Variants in ZFP36L1 observed in about 807,000 individuals in gnomAD.
ZFP36L1 encodes the protein mRNA decay activator protein ZFP36L1.
Under a neutral mutation model 16.7 loss-of-function variants are expected in ZFP36L1, and 4 were observed. The observed-to-expected ratio is 0.24, with a 90% CI of 0.12 to 0.55. The LOEUF is 0.55. ZFP36L1 is among the 20% of genes least tolerant of loss of function. The pLI is 0.94. For synonymous variants in ZFP36L1, 220 were observed against 190.8 expected (o/e 1.15, Z -1.26); for missense variants, 311 against 449.2 (o/e 0.69, Z 2.78).
chr14:68,795,702 T>C (rs1019695868), upstream of ZFP36L1: 2 of 492,478 alleles, frequency 4.1e-6, no homozygotes, highest in Non-Finnish European at 8.4e-6. Flanking sequence ...CGCTCCCGAG[T>C]TGTTTACCGG....
chr14:68,790,543 G>C, intron 1 of ZFP36L1, 51 bp from the exon 2 acceptor site: 1 of 1,602,504 alleles, frequency 6.2e-7, no homozygotes, highest in Non-Finnish European at 8.5e-7. Context: ...CCACCAGGAT[G>C]TCCACTATGG....
upstream of ZFP36L1, chr14:68,795,699 G>T (rs1895232959): frequency 2.0e-6 from 1 of 490,514 alleles, no homozygotes; most frequent in Non-Finnish European, 4.2e-6. Flanking sequence ...GCTCGCTCCC[G>T]AGTTGTTTAC....
At chr14:68,792,854 G>A (rs775679929) in intron 1 of ZFP36L1, 28 bp downstream of exon 1, 1 of 1,613,864 alleles carries the variant, frequency 6.2e-7, no homozygotes, top group Non-Finnish European at 8.5e-7. Context: ...AAGACTTTTT[G>A]AAAAGCAAAT....
rs903373300 is a variant in ZFP36L1 at position 68,787,923 on chromosome 14, G to C, written c.*1610C>G. On this transcript the variant is annotated 3_prime_UTR_variant, in exon 2 of 2. Coordinates refer to ENST00000439696, the MANE Select transcript of ZFP36L1 (RefSeq NM_004926.4). ...TGAGATGGGCACGTGGAAGTCAAAG[G>C]GTTTCTCTTTTTTTTTTTTTCCCCT... 1 of 134,534 alleles carries C rather than the reference G, an allele frequency of 7.4e-6. No homozygotes were observed. Among genetic ancestry groups the C allele is most frequent in the Non-Finnish European group, 1.6e-5 (1 of 60,668 alleles). 8.3% of individuals were successfully genotyped at this position (134,534 alleles called of 1,614,324 possible).
upstream of ZFP36L1, chr14:68,795,655 C>A: frequency 2.5e-6 from 1 of 395,568 alleles, no homozygotes; most frequent in Non-Finnish European, 5.2e-6. Flanking sequence ...TCCCCGGGGG[C>A]GCGGGCTCCG....
chr14:68,790,642 TC>T, intron 1 of ZFP36L1, 150 bp from the exon 2 acceptor site: 1 of 1,103,488 alleles, frequency 9.1e-7, no homozygotes, highest in Non-Finnish European at 1.3e-6. Flanking sequence ...CCTCTCTCCC[TC>T]CCATAGGCCA....
chr14:68,795,921 C>G, upstream of ZFP36L1: 1 of 1,083,270 alleles, frequency 9.2e-7, no homozygotes, highest in Non-Finnish European at 1.3e-6. Context: ...CTCGCCCAGA[C>G]GTGGTCGACA....
chr14:68,789,229 GA>G lies in ZFP36L1; in HGVS notation c.*303del, dbSNP rs146146426. 249 of 351,126 alleles carry G rather than the reference GA, an allele frequency of 7.1e-4. No homozygotes were observed. Among genetic ancestry groups the G allele is most frequent in the Middle Eastern group, 1.5e-3 (2 of 1,328 alleles). 21.8% of individuals were successfully genotyped at this position (351,126 alleles called of 1,614,324 possible). ...GATTTGGCACTTAAGGCTTAAGCCG[GA>G]AAAAAAAAGGCATCTACTGACAAAA... On this transcript the variant is annotated 3_prime_UTR_variant, in exon 2 of 2. Coordinates refer to ENST00000439696, the MANE Select transcript of ZFP36L1 (RefSeq NM_004926.4). This position sits in a 1 kb window ranked among gnomAD's most constrained non-coding sequence, Gnocchi z 4.5.
chr14:68,791,735 T>G (rs927123218), intron 1 of ZFP36L1, among the ~76,000 whole-genome samples: 1 of 152,118 alleles, frequency 6.6e-6, no homozygotes, highest in East Asian at 1.9e-4. Context: ...TGGGGAGCGC[T>G]GGCAGCCGGG....
upstream of ZFP36L1, among the ~76,000 whole-genome samples, chr14:68,795,577 T>C (rs1895229141): frequency 6.6e-6 from 1 of 152,132 alleles, no homozygotes; most frequent in Admixed American, 6.5e-5. Flanking sequence ...AGTGGATTTT[T>C]CCAAAGAAAG....
upstream of ZFP36L1, chr14:68,793,791 G>T (rs967585882): frequency 2.0e-6 from 2 of 984,970 alleles, no homozygotes; most frequent in South Asian, 4.7e-5. Flanking sequence ...AGGGTGGGGC[G>T]CGCTGCTGGG....
At chr14:68,796,044 C>A, upstream of ZFP36L1, 2 of 1,335,018 alleles carry the variant, frequency 1.5e-6, no homozygotes, top group Non-Finnish European at 2.0e-6. Context: ...GCTCCTTACC[C>A]GCGCAGTCCC....
Position 68,790,337 on chromosome 14 carries a change from G to C in ZFP36L1, c.213C>G (p.Leu71=), listed in dbSNP as rs748947867. Residue 71 remains leucine (L), a synonymous_variant, in exon 2 of 2, where the codon CTC becomes CTG. Coordinates refer to ENST00000439696, the MANE Select transcript of ZFP36L1 (RefSeq NM_004926.4). ...TCAGAGCGGGGGCTGGCTCACCCTT[G>C]AGGCTGCTGAGGAGCTGGTTCTGGT... ...KFHQNQLLSS[L]KGEPAPALSS... 2.5e-6 allele frequency: 4 copies of C among 1,611,892 alleles called. No homozygotes were observed. The South Asian group carries it at 3.3e-5, about 13-fold the overall frequency.
intron 1 of ZFP36L1, 90 bp from the exon 2 acceptor site, chr14:68,790,582 G>A: frequency 6.6e-7 from 1 of 1,522,060 alleles, no homozygotes; most frequent in Non-Finnish European, 8.9e-7. Context: ...ACAAACGCCC[G>A]CTCTTTCTCA....
chr14:68,789,453 G>A lies in ZFP36L1; in HGVS notation c.*80C>T, dbSNP rs564308694. On this transcript the variant is annotated 3_prime_UTR_variant, in exon 2 of 2. Transcript: ENST00000439696. The surrounding 1 kb of genome is among the most constrained non-coding windows in gnomAD (Gnocchi z 4.5). ...TTAATGTAGGGCCTGTGGGGAATGGGATGGGTAGGGAGAAGAGGGTATGGG... is the reference window on the plus strand; with the variant it reads ...TTAATGTAGGGCCTGTGGGGAATGGAATGGGTAGGGAGAAGAGGGTATGGG... 4.4e-6 allele frequency: 7 copies of A among 1,589,978 alleles called. No individual in the cohort carries two copies. In the African/African-American group the frequency reaches 6.7e-5, roughly 15 times the overall value.
At chr14:68,796,208 G>A (rs753087178), upstream of ZFP36L1, 36 of 1,366,690 alleles carry the variant, frequency 2.6e-5, no homozygotes, top group Non-Finnish European at 3.4e-5. Flanking sequence ...GCTTGGAGGT[G>A]GTGGTGGGGT....
upstream of ZFP36L1, chr14:68,793,245 A>G (rs1895157061): frequency 9.1e-7 from 1 of 1,096,332 alleles, no homozygotes; most frequent in Non-Finnish European, 1.1e-6. Flanking sequence ...AGAAACTTTC[A>G]AAAGGAAGAA....
chr14:68,796,038 C>G, upstream of ZFP36L1: 1 of 1,332,096 alleles, frequency 7.5e-7, no homozygotes, highest in African/African-American at 1.5e-5. Flanking sequence ...CCTCCCGCTC[C>G]TTACCCGCGC....
chr14:68,793,541 T>C (rs1287554388), upstream of ZFP36L1: 3 of 985,810 alleles, frequency 3.0e-6, no homozygotes, highest in Admixed American at 1.8e-4. Context: ...GGGCTCGACT[T>C]TCTCTTTTTG....
Sources: gnomAD v4.1 joint callset for allele counts (sites outside exome capture counted in the v4.1 genomes callset) on GRCh38, gnomAD v4.1.1 for gene constraint, Gnocchi (gnomAD v3.1) non-coding constraint, MANE v1.5 for transcripts, NCBI Gene and HGNC (gene_info 2026-07-23, HGNC 2026-07-21) for gene names.